The following DPYD variants were observed in gnomAD, a reference collection of about 807,000 sequenced individuals.
The protein encoded by DPYD is dihydropyrimidine dehydrogenase [NADP(+)].
In DPYD, 109 loss-of-function variants were observed where a neutral mutation model predicts 116.2. That is an observed-to-expected ratio of 0.94 (90% CI 0.80 to 1.10). DPYD has a LOEUF of 1.10. DPYD is among the 50% of genes least tolerant of loss of function. DPYD has a pLI of 0.00. For missense variants in DPYD, 1,302 were observed against 1,254.5 expected, an observed-to-expected ratio of 1.04 and a Z score of -0.57; for synonymous variants, 440 against 432.0, an observed-to-expected ratio of 1.02 and a Z score of -0.23.
intron 13 of DPYD, among the ~76,000 whole-genome samples, chr1:97,479,208 T>C (rs1297495461): frequency 6.6e-6 from 1 of 152,232 alleles, no homozygotes; most frequent in Non-Finnish European, 1.5e-5. Context: ...GCAAGAGGCC[T>C]AGATTTCAGC....
At chr1:97,695,331 T>C (rs1661236841) in intron 6 of DPYD, among the ~76,000 whole-genome samples, 2 of 150,348 alleles carry the variant, frequency 1.3e-5, no homozygotes, top group Admixed American at 1.3e-4. Flanking sequence ...TTCAATCTTA[T>C]TGTATAGACC....
chr1:97,920,872 C>G lies in DPYD; in HGVS notation c.39+12G>C. The G allele has an allele frequency of 1.3e-6, 2 of 1,590,566 alleles. No individual in the cohort carries two copies. Among genetic ancestry groups the G allele is most frequent in the East Asian group, 2.3e-5 (1 of 42,804 alleles). Reference sequence around the variant, plus strand: ...CCCCGCCACCACCGACGAGCCGGCGCGAAGTCCGTACCTCGATGTCCGCCG... The same window carrying G: ...CCCCGCCACCACCGACGAGCCGGCGGGAAGTCCGTACCTCGATGTCCGCCG... On this transcript the variant is annotated intron_variant, in intron 1 of 22. Coordinates refer to ENST00000370192, the MANE Select transcript of DPYD (RefSeq NM_000110.4).
intron 10 of DPYD, among the ~76,000 whole-genome samples, chr1:97,592,909 T>C (rs1443140704): frequency 6.6e-6 from 1 of 152,202 alleles, no homozygotes; most frequent in Non-Finnish European, 1.5e-5. Context: ...GTACCTACTA[T>C]TCAGGATATG....
In DPYD at chr1:97,098,493, ATGG is replaced by A; in HGVS notation, c.2759_2761del (p.Thr920del). 1 of 1,612,704 alleles carries A rather than the reference ATGG, an allele frequency of 6.2e-7. No individual in the cohort carries two copies. The highest frequency in any genetic ancestry group is 1.1e-5 in the South Asian group (1 of 91,040). ...TATAGTTGGCATAATTTTTACCTTG[ATGG>A]TAGGAATAGGCCTTTTGGGGATAAA... On this transcript the variant is annotated inframe_deletion, in exon 21 of 23. Transcript: ENST00000370192.
At chr1:97,328,893 G>T (rs1558034296) in intron 16 of DPYD, among the ~76,000 whole-genome samples, 1 of 152,150 alleles carries the variant, frequency 6.6e-6, no homozygotes, top group Non-Finnish European at 1.5e-5. Context: ...CAGAAAAGTT[G>T]TGAATATTCA....
intron 4 of DPYD, among the ~76,000 whole-genome samples, chr1:97,729,469 G>C (rs1028880803): frequency 1.3e-5 from 2 of 151,822 alleles, no homozygotes; most frequent in African/African-American, 4.8e-5. Flanking sequence ...TACCCCTTTA[G>C]GCTTTTTGTC....
chr1:97,637,553 G>C (rs1451373120), intron 8 of DPYD, among the ~76,000 whole-genome samples: 2 of 151,632 alleles, frequency 1.3e-5, no homozygotes, highest in Admixed American at 1.3e-4. Context: ...CAGAAAACCA[G>C]GCAAAGGACT....
chr1:97,905,856 T>C (rs1673588566), intron 1 of DPYD, among the ~76,000 whole-genome samples: 1 of 152,084 alleles, frequency 6.6e-6, no homozygotes, highest in South Asian at 2.1e-4. Context: ...TTTTAATGTC[T>C]GAATAAACAG....
At chr1:97,587,739 G>A (rs754719080) in intron 10 of DPYD, among the ~76,000 whole-genome samples, 3 of 151,042 alleles carry the variant, frequency 2.0e-5, no homozygotes, top group Non-Finnish European at 4.4e-5. Flanking sequence ...CAGGAGAATG[G>A]CGTGAACCCG....
chr1:97,920,745 C>T (rs183189406), intron 1 of DPYD, 139 bp downstream of exon 1: 299 of 1,272,168 alleles, frequency 2.4e-4, no homozygotes, highest in Non-Finnish European at 3.2e-4. Flanking sequence ...TCCGCTCCCC[C>T]GCAGAGCTCC....
intron 20 of DPYD, among the ~76,000 whole-genome samples, chr1:97,139,721 C>T (rs1416321447): frequency 1.3e-5 from 2 of 152,088 alleles, no homozygotes; most frequent in East Asian, 3.9e-4. Context: ...TAGATGAGGC[C>T]CCAACTATGA....
At chr1:97,260,472 A>C (rs1344283439) in intron 18 of DPYD, among the ~76,000 whole-genome samples, 1 of 152,110 alleles carries the variant, frequency 6.6e-6, no homozygotes, top group Non-Finnish European at 1.5e-5. Flanking sequence ...AGGTCATTTA[A>C]TCTGAAGAGT....
chr1:97,214,409 A>G (rs1660240946), intron 19 of DPYD, among the ~76,000 whole-genome samples: 1 of 152,206 alleles, frequency 6.6e-6, no homozygotes, highest in Non-Finnish European at 1.5e-5. Context: ...CTAGTTTTAA[A>G]AAGAAGTAGG....
chr1:97,303,549 G>T (rs1047847701), intron 18 of DPYD, among the ~76,000 whole-genome samples: 1 of 151,916 alleles, frequency 6.6e-6, no homozygotes, highest in Non-Finnish European at 1.5e-5. Flanking sequence ...TATAGAACTT[G>T]CTCTGTCCTA....
At chr1:97,429,925 A>T (rs1675080723) in intron 14 of DPYD, among the ~76,000 whole-genome samples, 2 of 152,246 alleles carry the variant, frequency 1.3e-5, no homozygotes, top group African/African-American at 2.4e-5. Flanking sequence ...TTAAGAAAAG[A>T]AGTATGATAT....
intron 14 of DPYD, among the ~76,000 whole-genome samples, chr1:97,411,369 C>T (rs748296462): frequency 2.8e-4 from 42 of 152,100 alleles, no homozygotes; most frequent in Non-Finnish European, 5.7e-4. Flanking sequence ...CTTCCTCCCA[C>T]TTTATCATAT....
chr1:97,278,734 T>C (rs955150908), intron 18 of DPYD, among the ~76,000 whole-genome samples: 1 of 152,348 alleles, frequency 6.6e-6, no homozygotes, highest in East Asian at 1.9e-4. Flanking sequence ...GTAGTAATGA[T>C]GCAAAGGGCT....
chr1:97,834,339 A>T (rs557464297), intron 2 of DPYD, among the ~76,000 whole-genome samples: 1 of 152,118 alleles, frequency 6.6e-6, no homozygotes, highest in African/African-American at 2.4e-5. Context: ...AATCATTGAG[A>T]CACCAAGGTT....
rs1668390632 is a variant in DPYD at position 97,322,988 on chromosome 1, TTTCTAC to T, written c.2059-16697_2059-16692del. ...TTATTTCTCAGCATCTCTTATTCCA[TTTCTAC>T]TTCTACTCACTTTCTCCTTTTTCCT... On this transcript the variant is annotated intron_variant, in intron 16 of 22. Transcript: ENST00000370192. 2.0e-5 allele frequency: 3 copies of T among 151,814 alleles called. No individual in the cohort carries two copies. The South Asian group carries it at 6.2e-4, about 31-fold the overall frequency. 9.4% of individuals were successfully genotyped at this position (151,814 alleles called of 1,614,324 possible). A position where few individuals can be genotyped will look rare whatever the true frequency, so the allele number is the denominator to read the frequency against.
Sources: gnomAD v4.1 joint callset for allele counts (sites outside exome capture counted in the v4.1 genomes callset) on GRCh38, gnomAD v4.1.1 for gene constraint, MANE v1.5 for transcripts, NCBI Gene and HGNC (gene_info 2026-07-23, HGNC 2026-07-21) for gene names.